Variants in DNASE1 observed in about 807,000 individuals in gnomAD.
The protein encoded by DNASE1 is deoxyribonuclease-1.
DNASE1 carries 40 observed loss-of-function variants against 33.9 expected under a neutral mutation model. The observed-to-expected ratio is 1.18, with a 90% confidence interval of 0.92 to 1.54. DNASE1 has a LOEUF of 1.54. Ranked by LOEUF, DNASE1 falls within the 40% of genes most tolerant of loss-of-function variation. The pLI, the probability that DNASE1 is intolerant of heterozygous loss-of-function variation, is 0.00. For missense variants in DNASE1, 518 were observed against 372.6 expected (o/e 1.39, Z -3.21); for synonymous variants, 216 against 160.0 (o/e 1.35, Z -2.64).
chr16:3,628,182 T>G (rs2041581382), intron 1 of DNASE1, among the ~76,000 whole-genome samples: 1 of 152,152 alleles, frequency 6.6e-6, no homozygotes, highest in Non-Finnish European at 1.5e-5. Context: ...CCTAGGTATT[T>G]TATTCTTTTT....
At chr16:3,658,332 A>G (rs142555666), downstream of DNASE1, 12 of 939,940 alleles carry the variant, frequency 1.3e-5, no homozygotes, top group South Asian at 6.1e-5. Flanking sequence ...TGGAGTGCAG[A>G]GGCACGATCT....
chr16:3,612,058 GA>G (rs1205032554), intron 1 of DNASE1: 1 of 152,232 alleles, frequency 6.6e-6, no homozygotes, highest in Non-Finnish European at 1.5e-5. Context: ...TTAGCTACGT[GA>G]AGAGGGGATT....
chr16:3,630,142 T>C (rs1167575678), intron 1 of DNASE1, among the ~76,000 whole-genome samples: 2 of 151,986 alleles, frequency 1.3e-5, no homozygotes, highest in South Asian at 2.1e-4. Context: ...GTTGTGTGTG[T>C]GTGTGTGTGT....
exon 10 of DNASE1, chr16:3,663,604 T>G: frequency 6.2e-7 from 1 of 1,609,188 alleles, no homozygotes; most frequent in Middle Eastern, 1.7e-4. Flanking sequence ...CCCGGGGGCC[T>G]CCAGCCACCA....
Position 3,657,253 on chromosome 16 carries a change from ATCC to A in DNASE1, c.617_619del (p.Ile206_Arg207delinsSer). 1 of 1,613,984 alleles carries A rather than the reference ATCC, an allele frequency of 6.2e-7. No individual in the cohort carries two copies. The highest frequency in any genetic ancestry group is 8.5e-7 in the Non-Finnish European group (1 of 1,180,018). On this transcript the variant is annotated inframe_deletion, in exon 7 of 9. Transcript: ENST00000246949. ...TGTGAGACCCTCCCAGTGGTCATCC[ATCC>A]GCCTGTGGACAAGCCCCACCTTCCA...
chr16:3,613,653 A>C (rs2040989250), intron 1 of DNASE1, among the ~76,000 whole-genome samples: 1 of 152,222 alleles, frequency 6.6e-6, no homozygotes, highest in Non-Finnish European at 1.5e-5. Flanking sequence ...GCCCAGAGGC[A>C]AGGGTAGGGC....
At chr16:3,640,038 T>G (rs1412736096), upstream of DNASE1, among the ~76,000 whole-genome samples, 4 of 152,262 alleles carry the variant, frequency 2.6e-5, no homozygotes. Flanking sequence ...GGTCCAGTGC[T>G]GCTTTAGTCT....
chr16:3,646,355 A>G (rs1441947703), intron 1 of DNASE1, among the ~76,000 whole-genome samples: 1 of 152,026 alleles, frequency 6.6e-6, no homozygotes, highest in African/African-American at 2.4e-5. Flanking sequence ...TTTCTTGGCC[A>G]CCGCTTCCTG....
intron 1 of DNASE1, among the ~76,000 whole-genome samples, chr16:3,623,305 C>T (rs886739398): frequency 1.3e-5 from 2 of 151,984 alleles, no homozygotes; most frequent in Non-Finnish European, 2.9e-5. Context: ...AAAATGAAAC[C>T]GTACCTCTAT....
At position 3,620,451 on chromosome 16, in the gene DNASE1, C is replaced by T. The variant is rs574716289; in HGVS notation, c.-1359+8445C>T. On this transcript the variant is annotated intron_variant and NMD_transcript_variant, in intron 1 of 11. Transcript: ENST00000570769. ...GCCTGATCATAGCTCACTGTAACTT[C>T]GAGGCTGCAGTGAGCTGTGATCATG... Among the ~76,000 whole-genome samples the T allele has an allele frequency of 3.1e-4, 46 of 150,044 alleles. 1 individual carries two copies. In the South Asian group the frequency reaches 9.4e-3, roughly 31 times the overall value.
At chr16:3,648,437 C>T (rs2151201092) in intron 1 of DNASE1, among the ~76,000 whole-genome samples, 1 of 152,142 alleles carries the variant, frequency 6.6e-6, no homozygotes, top group South Asian at 2.1e-4. Flanking sequence ...TGGCGGGCGC[C>T]TGTAGTCCCA....
At chr16:3,618,838 A>G (rs1346902123) in intron 1 of DNASE1, among the ~76,000 whole-genome samples, 1 of 152,230 alleles carries the variant, frequency 6.6e-6, no homozygotes, top group East Asian at 1.9e-4. Context: ...TGTTACACTG[A>G]ACATTTGCTT....
At chr16:3,644,260 A>G (rs1460579940) in intron 1 of DNASE1, among the ~76,000 whole-genome samples, 1 of 152,128 alleles carries the variant, frequency 6.6e-6, no homozygotes, top group Non-Finnish European at 1.5e-5. Flanking sequence ...CCTTGTCTCT[A>G]CTAAAAATTT....
upstream of DNASE1, chr16:3,654,353 G>A: frequency 1.0e-5 from 4 of 398,742 alleles, no homozygotes; most frequent in South Asian, 1.3e-4. Flanking sequence ...TGCTTGTTCC[G>A]AGCTCCCCAG....
At chr16:3,634,445 G>A (rs1372376744) in intron 1 of DNASE1, among the ~76,000 whole-genome samples, 1 of 151,510 alleles carries the variant, frequency 6.6e-6, no homozygotes, top group African/African-American at 2.4e-5. Flanking sequence ...AGCCAGGCTG[G>A]TCTCGAACTC....
At chr16:3,649,221 C>T (rs747681996) in intron 1 of DNASE1, among the ~76,000 whole-genome samples, 1 of 152,210 alleles carries the variant, frequency 6.6e-6, no homozygotes, top group Admixed American at 6.5e-5. Context: ...AAAATGGTGA[C>T]TTTCAGGTCT....
rs376993853 is a variant in DNASE1, at chr16:3,657,153, A to G, written c.550-34A>G. Reference sequence around the variant, plus strand: ...GGCAGTGGGCACCAGCGGCCTCCGCATGTCCCAGGGCCACAGGCAGCGTTT... The same window carrying G: ...GGCAGTGGGCACCAGCGGCCTCCGCGTGTCCCAGGGCCACAGGCAGCGTTT... On this transcript the variant is annotated intron_variant, in intron 6 of 8. Coordinates refer to ENST00000246949, the MANE Select transcript of DNASE1 (RefSeq NM_005223.4). 6.2e-6 allele frequency: 10 copies of G among 1,613,990 alleles called. No individual in the cohort carries two copies. In the African/African-American group the frequency reaches 8.0e-5, roughly 13 times the overall value.
At chr16:3,622,231 AAC>A (rs1491494036) in intron 1 of DNASE1, among the ~76,000 whole-genome samples, 1 of 151,492 alleles carries the variant, frequency 6.6e-6, no homozygotes, top group Non-Finnish European at 1.5e-5. Flanking sequence ...AAAAAAAAAA[AAC>A]GGAGGCTGAA....
exon 1 of DNASE1, chr16:3,643,025 A>C (rs1471724580): frequency 6.6e-6 from 1 of 152,526 alleles, no homozygotes; most frequent in African/African-American, 2.4e-5. Flanking sequence ...CAACACAGGG[A>C]AGCTTGGGGA....
Sources: allele counts gnomAD v4.1 joint callset (sites outside exome capture counted in the v4.1 genomes callset), GRCh38; gene constraint gnomAD v4.1.1; transcripts MANE v1.5; gene names NCBI Gene and HGNC (gene_info 2026-07-23, HGNC 2026-07-21).